NOX5: variants seen among roughly 807,000 people sequenced by gnomAD.
The protein encoded by NOX5 is NADPH oxidase 5.
A neutral mutation model predicts 85.7 loss-of-function variants in NOX5; 76 were observed. The ratio of observed to expected loss-of-function variants is 0.89; its 90% confidence interval spans 0.74 to 1.07. NOX5 has a LOEUF of 1.07. Among genes scored for constraint, NOX5 ranks in the 50% least tolerant of loss-of-function variants. The pLI, the probability that NOX5 is intolerant of heterozygous loss-of-function variation, is 0.00. For synonymous variants in NOX5, 405 were observed against 401.4 expected, an observed-to-expected ratio of 1.01 and a Z score of -0.11; for missense variants, 973 against 999.5, an observed-to-expected ratio of 0.97 and a Z score of 0.36.
chr15:69,021,465 G>A (rs2050294846), intron 1 of NOX5, among the ~76,000 whole-genome samples: 1 of 151,330 alleles, frequency 6.6e-6, no homozygotes, highest in South Asian at 2.1e-4. Flanking sequence ...CTACAGGCAT[G>A]TGCCACCACG....
chr15:69,056,999 A>C lies in NOX5; in HGVS notation c.*303A>C, dbSNP rs1174235959. Reference sequence around the variant, plus strand: ...GGTGGGGTTCGAGGGGGCAGAGGGCAACCACTCCTCCAAACATTTTCCGAC... The same window carrying C: ...GGTGGGGTTCGAGGGGGCAGAGGGCCACCACTCCTCCAAACATTTTCCGAC... On this transcript the variant is annotated 3_prime_UTR_variant, in exon 16 of 16. Transcript: ENST00000388866. 4.2e-6 allele frequency: 1 copy of C among 235,568 alleles called. No homozygotes were observed. The highest frequency in any genetic ancestry group is 8.3e-6 in the Non-Finnish European group (1 of 120,942). The allele number at this position is 235,568 out of a possible 1,614,324, so 14.6% of individuals were successfully genotyped here. A position where few individuals can be genotyped will look rare whatever the true frequency, so the allele number is the denominator to read the frequency against.
rs775051442 is a variant in NOX5, at chr15:69,048,951, C to T, written c.1900-8C>T. The T allele has an allele frequency of 6.2e-7, 1 of 1,607,504 alleles. No homozygotes were observed. The highest frequency in any genetic ancestry group is 1.1e-5 in the South Asian group (1 of 89,426). ...CCAGCCTCTGAGCTGAAGGGCCTCT[C>T]TCCGTAGGTGGACTTTATCTGGATC... On this transcript the variant is annotated splice_polypyrimidine_tract_variant and splice_region_variant and intron_variant, in intron 13 of 15. Coordinates refer to ENST00000388866, the MANE Select transcript of NOX5 (RefSeq NM_024505.4).
At chr15:69,038,735 A>C in intron 8 of NOX5, 122 bp from the exon 9 acceptor site, 2 of 1,343,262 alleles carry the variant, frequency 1.5e-6, no homozygotes, top group Middle Eastern at 2.0e-4. Context: ...GAAGAGTGTC[A>C]TGTCTCGGGG....
At chr15:69,047,139 C>G in intron 11 of NOX5, 1 of 563,764 alleles carries the variant, frequency 1.8e-6, no homozygotes, top group Non-Finnish European at 3.1e-6. Flanking sequence ...ATCCCTGTCT[C>G]CTGGGCACCC....
At chr15:69,035,258 C>T in intron 5 of NOX5, 96 bp from the exon 6 acceptor site, 1 of 1,369,048 alleles carries the variant, frequency 7.3e-7, no homozygotes, top group Admixed American at 2.1e-5. Context: ...GTTCAGAAAG[C>T]ACAGCTAGCT....
chr15:69,056,943 G>C lies in NOX5; in HGVS notation c.*247G>C, dbSNP rs1409824652. 5.8e-6 allele frequency: 2 copies of C among 347,550 alleles called. No individual in the cohort carries two copies. Among genetic ancestry groups the C allele is most frequent in the Non-Finnish European group, 1.0e-5 (2 of 195,662 alleles). 21.5% of individuals were successfully genotyped at this position (347,550 alleles called of 1,614,324 possible). On this transcript the variant is annotated 3_prime_UTR_variant, in exon 16 of 16. Transcript: ENST00000388866. The stretch of plus-strand genomic sequence containing the variant: ...GATTCTGGGGTTTCTGTGAAAGTGA[G>C]GGAACCAGAGGCTGGTCACGGGAGC...
Position 69,055,472 on chromosome 15 carries a change from C to T in NOX5, c.2138C>T (p.Thr713Ile), listed in dbSNP as rs1318335518. 3 of 1,613,972 alleles carry T rather than the reference C, an allele frequency of 1.9e-6. No individual in the cohort carries two copies. The highest frequency in any genetic ancestry group is 2.5e-6 in the Non-Finnish European group (3 of 1,180,046). The change falls in exon 15 of 16, where the codon ACC becomes ATC. Residue 713 changes from threonine (T) to isoleucine (I), a missense_variant. Thr to Ile is a moderately conservative substitution (Grantham distance 89). Transcript: ENST00000388866. Reference sequence around the variant, plus strand: ...TCCATCACGGGGCTGCAGACGCGCACCCAGCCTGGGCGGCCTGACTGGAGC... The same window carrying T: ...TCCATCACGGGGCTGCAGACGCGCATCCAGCCTGGGCGGCCTGACTGGAGC... ...KDSITGLQTR[T>I]QPGRPDWSKV...
chr15:69,042,798 CGTCCAAGGTA>C lies in NOX5; in HGVS notation c.1642_1647+4del. On this transcript the variant is annotated splice_donor_variant and splice_donor_region_variant and coding_sequence_variant and intron_variant, in exon 10 of 16. Transcript: ENST00000388866. LOFTEE classifies it high-confidence loss of function. ...GTGACAATGAGAAAGAGTCAAAGGTCGTCCAAGGTAGGTGGCTACTGGAGGGAAGGGGTCC... is the reference window on the plus strand; with the variant it reads ...GTGACAATGAGAAAGAGTCAAAGGTCGGTGGCTACTGGAGGGAAGGGGTCC... 6.2e-7 allele frequency: 1 copy of C among 1,613,484 alleles called. No individual in the cohort carries two copies. The highest frequency in any genetic ancestry group is 8.5e-7 in the Non-Finnish European group (1 of 1,179,704).
At chr15:69,054,633 G>T (rs1021316405) in intron 14 of NOX5, among the ~76,000 whole-genome samples, 3 of 152,164 alleles carry the variant, frequency 2.0e-5, no homozygotes, top group Non-Finnish European at 4.4e-5. Context: ...TTCTTAGCAT[G>T]CCTTCCCTTC....
intron 1 of NOX5, among the ~76,000 whole-genome samples, chr15:69,017,639 T>G (rs989378364): frequency 6.6e-6 from 1 of 152,176 alleles, no homozygotes; most frequent in African/African-American, 2.4e-5. Flanking sequence ...CAAAACCAAG[T>G]TGTGACCCAA....
At chr15:69,047,375 C>A (rs1177737035) in intron 11 of NOX5, 38 bp from the exon 12 acceptor site, 3 of 1,516,770 alleles carry the variant, frequency 2.0e-6, no homozygotes, top group South Asian at 1.3e-5. Flanking sequence ...ACCAGCGTCA[C>A]CCCCCATCTC....
rs141372847 is a variant in NOX5, at chr15:69,023,899, C to T, written c.51-2629C>T. 6.8e-4 allele frequency: 130 copies of T among 190,588 alleles called. 1 individual carries two copies. The East Asian group carries it at 0.017, about 25-fold the overall frequency. The allele number at this position is 190,588 out of a possible 1,614,324, so 11.8% of individuals were successfully genotyped here. A position where few individuals can be genotyped will look rare whatever the true frequency, so the allele number is the denominator to read the frequency against. ...TTTTTTCAGGTCTATTAGTAAATCT[C>T]GCAACCATTGCATCTTGGCTGTTAT... On this transcript the variant is annotated intron_variant, in intron 1 of 15. Transcript: ENST00000388866.
rs781649568 is a variant in NOX5 at position 69,057,259 on chromosome 15, G to T, written c.*563G>T. On this transcript the variant is annotated 3_prime_UTR_variant, in exon 16 of 16. Transcript: ENST00000388866. ...CATCTGTCAATTTATCTGATTTTTT[G>T]GATGCATTTTCAAGTTAGGTGCAAA... is the stretch of plus-strand genomic sequence containing the variant. 6.6e-5 allele frequency: 10 copies of T among 152,080 alleles called. No individual in the cohort carries two copies. The allele number at this position is 152,080 out of a possible 1,614,324, so 9.4% of individuals were successfully genotyped here. A position where few individuals can be genotyped will look rare whatever the true frequency, so the allele number is the denominator to read the frequency against.
intron 1 of NOX5, 119 bp downstream of exon 1, chr15:69,014,904 G>C: frequency 1.3e-6 from 1 of 776,900 alleles, no homozygotes; most frequent in Non-Finnish European, 2.2e-6. Flanking sequence ...CAGAAGATCT[G>C]AGCTCTATTC....
chr15:69,047,485 G>A lies in NOX5; in HGVS notation c.1765G>A (p.Ala589Thr), dbSNP rs750961160. The change falls in exon 12 of 16, where the codon GCA (alanine) becomes ACA (threonine). Residue 589 changes from alanine to threonine, a missense_variant. Physicochemically the swap from Ala to Thr is moderately conservative, Grantham distance 58. Coordinates refer to ENST00000388866, the MANE Select transcript of NOX5 (RefSeq NM_024505.4). ...FASEHAVLIG[A>T]GIGITPFASI... ...CTCTGAGCATGCCGTGCTCATCGGG[G>A]CAGGCATCGGCATCACCCCCTTTGC... 8 of 1,613,872 alleles carry A rather than the reference G, an allele frequency of 5.0e-6. No homozygotes were observed. In the East Asian group the frequency reaches 1.8e-4, roughly 36 times the overall value.
In NOX5 at chr15:69,035,485, C is replaced by T. The variant is rs311889; in HGVS notation, c.987C>T (p.Thr329=). Residue 329 remains threonine, a synonymous_variant, in exon 6 of 16, where the codon ACC becomes ACT. Coordinates refer to ENST00000388866, the MANE Select transcript of NOX5 (RefSeq NM_024505.4). ...YVVVGLSLVH[T]VAHTVNFVLQ... is the part of the protein sequence containing the mutation. The stretch of plus-strand genomic sequence containing the variant: ...TAGTGGGGCTGTCCCTCGTGCACAC[C>T]GTGGCTCACACTGTGAACTTTGGTG... 0.93 allele frequency: 1,507,645 copies of T among 1,614,026 alleles called. 708,616 individuals are homozygous for T. Among genetic ancestry groups the T allele is most frequent in the Middle Eastern group, 0.96 (5,818 of 6,060 alleles).
At chr15:69,047,391 T>G in intron 11 of NOX5, 22 bp from the exon 12 acceptor site, 2 of 1,569,290 alleles carry the variant, frequency 1.3e-6, no homozygotes, top group Non-Finnish European at 1.7e-6. Flanking sequence ...ATCTCTCTTC[T>G]CTGATGCCCT....
chr15:69,052,346 A>T (rs1284784039), intron 14 of NOX5, among the ~76,000 whole-genome samples: 4 of 152,216 alleles, frequency 2.6e-5, no homozygotes, highest in African/African-American at 9.6e-5. Context: ...ATTGTTAAGT[A>T]TGATAAAATA....
At position 69,031,744 on chromosome 15, in the gene NOX5, C is replaced by CA. The variant is rs766787393; in HGVS notation, c.553dup (p.Ile185AsnfsTer212). The CA allele has an allele frequency of 3.1e-6, 5 of 1,612,598 alleles. No homozygotes were observed. The highest frequency in any genetic ancestry group is 2.5e-6 in the Non-Finnish European group (3 of 1,179,402). ...CGGCCGACGCGGACGGCAACGGGGC[C>CA]ATCACCTTCGAGGAGCTCCGGGACG... On this transcript the variant is annotated frameshift_variant, in exon 4 of 16. Coordinates refer to ENST00000388866, the MANE Select transcript of NOX5 (RefSeq NM_024505.4). LOFTEE classifies it high-confidence loss of function.
Sources: allele counts gnomAD v4.1 joint callset (sites outside exome capture counted in the v4.1 genomes callset), GRCh38; gene constraint gnomAD v4.1.1; transcripts MANE v1.5; gene names NCBI Gene and HGNC (gene_info 2026-07-23, HGNC 2026-07-21).